Variants in ANO1 observed in about 807,000 individuals in gnomAD.
ANO1 encodes the protein anoctamin 1.
Under a neutral mutation model 124.0 loss-of-function variants are expected in ANO1, and 59 were observed. That is an observed-to-expected ratio of 0.48 (90% CI 0.39 to 0.59). The LOEUF (loss-of-function observed/expected upper bound fraction) is 0.59, where lower values mean the gene tolerates loss of function less well. ANO1 is among the 20% of genes least tolerant of loss of function. The pLI is 0.00. For synonymous variants in ANO1, 529 were observed against 532.0 expected, an observed-to-expected ratio of 0.99 and a Z score of 0.08; for missense variants, 1,059 against 1,328.0, an observed-to-expected ratio of 0.80 and a Z score of 3.15.
At chr11:70,067,435 G>T (rs1591071148) in intron 1 of ANO1, among the ~76,000 whole-genome samples, 1 of 148,492 alleles carries the variant, frequency 6.7e-6, no homozygotes, top group East Asian at 2.1e-4. Context: ...TTAAGCAATT[G>T]TCCTGCCTCA....
chr11:70,135,821 C>A (rs552364949), intron 11 of ANO1, among the ~76,000 whole-genome samples: 1 of 152,216 alleles, frequency 6.6e-6, no homozygotes, highest in South Asian at 2.1e-4. Context: ...ACACGCCGGG[C>A]GATAAGAGGT....
rs1341998340 is a variant in ANO1 at position 70,050,951 on chromosome 11, C to A, written c.59-27591C>A. 3.3e-5 allele frequency among the ~76,000 whole-genome samples: 5 copies of A among 152,330 alleles called. 1 individual carries two copies. Among genetic ancestry groups the A allele is most frequent in the Admixed American group, 3.3e-4 (5 of 15,302 alleles). On this transcript the variant is annotated intron_variant, in intron 1 of 27. Coordinates refer to the ANO1 transcript ENST00000531349. The stretch of plus-strand genomic sequence containing the variant: ...ATGCATGGCTGACCACCAGTGTCAG[C>A]ATTTACCTGGGCTTATTTGTGCTTC...
chr11:70,044,036 G>A (rs1390835572), intron 1 of ANO1, among the ~76,000 whole-genome samples: 1 of 150,700 alleles, frequency 6.6e-6, no homozygotes. Context: ...AATGTAATAG[G>A]ACAGTAGCAC....
chr11:70,046,726 G>A (rs1396817477), intron 1 of ANO1, among the ~76,000 whole-genome samples: 1 of 152,010 alleles, frequency 6.6e-6, no homozygotes, highest in Non-Finnish European at 1.5e-5. Flanking sequence ...GGCCAAAAAT[G>A]ATGCAATTTG....
intron 22 of ANO1, among the ~76,000 whole-genome samples, chr11:70,176,190 C>G (rs961235091): frequency 6.9e-6 from 1 of 145,416 alleles, no homozygotes; most frequent in Admixed American, 6.9e-5. Flanking sequence ...AAGAGTTTCA[C>G]TCTTGACACC....
intron 10 of ANO1, among the ~76,000 whole-genome samples, chr11:70,131,029 G>A (rs1042664903): frequency 6.6e-6 from 1 of 152,200 alleles, no homozygotes; most frequent in Non-Finnish European, 1.5e-5. Flanking sequence ...GTTTTCCAAG[G>A]CCTTATAACA....
intron 24 of ANO1, among the ~76,000 whole-genome samples, chr11:70,183,841 C>G (rs866594847): frequency 3.9e-5 from 6 of 152,238 alleles, no homozygotes; most frequent in Non-Finnish European, 5.9e-5. Flanking sequence ...CACCGCCCCC[C>G]ACCCCGGAAT....
chr11:70,079,350 C>T (rs2044134806), intron 1 of ANO1, among the ~76,000 whole-genome samples: 1 of 152,098 alleles, frequency 6.6e-6, no homozygotes, highest in Admixed American at 6.5e-5. Context: ...TACCCTCGCC[C>T]CTGTCTCCCC....
Position 70,106,277 on chromosome 11 carries a change from C to G in ANO1, c.747+489C>G, listed in dbSNP as rs138935769. ...TGAAATCTGACCAGGCCACCCTGCC[C>G]TATTCAAGGCACTGGCTTCATGTTT... On this transcript the variant is annotated intron_variant, in intron 5 of 25. Transcript: ENST00000355303. Among the ~76,000 whole-genome samples the G allele has an allele frequency of 5.9e-3, 899 of 152,308 alleles. 4 individuals carry two copies. Among genetic ancestry groups the G allele is most frequent in the Non-Finnish European group, 9.2e-3 (623 of 68,034 alleles).
At chr11:70,095,317 A>AAGG (rs1565193468) in intron 2 of ANO1, among the ~76,000 whole-genome samples, 4 of 81,268 alleles carry the variant, frequency 4.9e-5, no homozygotes, top group African/African-American at 1.3e-4. Flanking sequence ...AGAAAGAAAG[A>AAGG]AAGGAAAGAA....
At chr11:70,099,010 C>T (rs1037479357) in intron 2 of ANO1, among the ~76,000 whole-genome samples, 2 of 152,190 alleles carry the variant, frequency 1.3e-5, no homozygotes, top group Non-Finnish European at 2.9e-5. Flanking sequence ...GCATCTTCTG[C>T]CCCCTCTGGT....
intron 1 of ANO1, among the ~76,000 whole-genome samples, chr11:70,037,069 T>C (rs553590279): frequency 6.6e-6 from 1 of 152,320 alleles, no homozygotes; most frequent in South Asian, 2.1e-4. Context: ...CCTTCCTCTC[T>C]CATCTGTCGG....
At chr11:70,151,256 T>A (rs2047592251) in intron 12 of ANO1, among the ~76,000 whole-genome samples, 1 of 152,208 alleles carries the variant, frequency 6.6e-6, no homozygotes, top group South Asian at 2.1e-4. Flanking sequence ...GCGACACCTT[T>A]ATCTGCCCAG....
chr11:70,026,758 C>G (rs1382853279), intron 1 of ANO1, among the ~76,000 whole-genome samples: 1 of 152,150 alleles, frequency 6.6e-6, no homozygotes, highest in Non-Finnish European at 1.5e-5. Context: ...CCTTTCTGAG[C>G]TGCGGATCCT....
chr11:70,135,874 A>G (rs1341499687), intron 11 of ANO1, among the ~76,000 whole-genome samples: 1 of 152,208 alleles, frequency 6.6e-6, no homozygotes, highest in Non-Finnish European at 1.5e-5. Context: ...TTGGGAGCCC[A>G]AAGCGCTACG....
intron 3 of ANO1, among the ~76,000 whole-genome samples, chr11:70,103,488 G>A (rs942931779): frequency 5.3e-5 from 8 of 152,082 alleles, no homozygotes; most frequent in East Asian, 1.9e-4. Context: ...GTTACAGTTC[G>A]GGCCGTGGTG....
intron 1 of ANO1, among the ~76,000 whole-genome samples, chr11:70,010,734 G>A (rs1856586245): frequency 6.6e-6 from 1 of 152,116 alleles, no homozygotes; most frequent in Non-Finnish European, 1.5e-5. Flanking sequence ...CTCCCACCAG[G>A]GGTCCTGGTC....
intron 2 of ANO1, among the ~76,000 whole-genome samples, chr11:70,098,761 A>C (rs1565197295): frequency 6.6e-6 from 1 of 152,126 alleles, no homozygotes; most frequent in Non-Finnish European, 1.5e-5. Flanking sequence ...AGAAGCACAC[A>C]GGGCCACCGC....
intron 1 of ANO1, among the ~76,000 whole-genome samples, chr11:69,992,153 T>A (rs1554997617): frequency 6.6e-6 from 1 of 151,834 alleles, no homozygotes; most frequent in Non-Finnish European, 1.5e-5. Context: ...GGATGAGTGA[T>A]GGGTGGGTAG....
Sources: gnomAD v4.1 joint callset for allele counts (sites outside exome capture counted in the v4.1 genomes callset) on GRCh38, gnomAD v4.1.1 for gene constraint, MANE v1.5 for transcripts, NCBI Gene and HGNC (gene_info 2026-07-23, HGNC 2026-07-21) for gene names.